The following INPP4B variants were observed in gnomAD, a reference collection of about 807,000 sequenced individuals.
The protein encoded by INPP4B is inositol polyphosphate-4-phosphatase type II B.
INPP4B carries 55 observed loss-of-function variants against 122.5 expected under a neutral mutation model. The observed-to-expected ratio is 0.45, with a 90% CI of 0.36 to 0.56. The LOEUF is 0.56. INPP4B is among the 20% of genes least tolerant of loss of function. The pLI is 0.00. For synonymous variants in INPP4B, 403 were observed against 388.7 expected, an observed-to-expected ratio of 1.04 and a Z score of -0.43; for missense variants, 1,000 against 1,097.7, an observed-to-expected ratio of 0.91 and a Z score of 1.26.
intron 2 of INPP4B, among the ~76,000 whole-genome samples, chr4:142,556,268 A>C (rs1376807895): frequency 2.0e-5 from 3 of 152,174 alleles, no homozygotes; most frequent in African/African-American, 7.2e-5. Context: ...CTTTGGTGCA[A>C]GTACACTGTG....
chr4:142,838,160 G>C (rs375919776), intron 1 of INPP4B, among the ~76,000 whole-genome samples: 1 of 151,530 alleles, frequency 6.6e-6, no homozygotes, highest in Non-Finnish European at 1.5e-5. Context: ...ACAAAAAGCA[G>C]GCATTCATTT....
At chr4:142,541,240 A>T (rs1180198268) in intron 2 of INPP4B, among the ~76,000 whole-genome samples, 1 of 152,230 alleles carries the variant, frequency 6.6e-6, no homozygotes, top group African/African-American at 2.4e-5. Flanking sequence ...TGCCACAATT[A>T]TTACTCTTTT....
chr4:142,439,062 A>G (rs10011895), intron 3 of INPP4B, among the ~76,000 whole-genome samples: 146,513 of 152,250 alleles, frequency 0.96, 70,760 homozygotes, highest in East Asian at 1. Flanking sequence ...TGAGAAATAC[A>G]GGTGTCTGAG....
chr4:142,327,604 T>C (rs1396197446), intron 7 of INPP4B, among the ~76,000 whole-genome samples: 1 of 152,174 alleles, frequency 6.6e-6, no homozygotes, highest in Non-Finnish European at 1.5e-5. Context: ...AAGCATCTAA[T>C]AGTTTAATCA....
chr4:142,024,700 C>G lies in INPP4B; in HGVS notation c.*4082G>C, dbSNP rs1736501003. ...TCAATTGAGCTATATTTATTAGAATCTGGGCACAGTAATATGTTACTGTTT... is the reference window on the plus strand; with the variant it reads ...TCAATTGAGCTATATTTATTAGAATGTGGGCACAGTAATATGTTACTGTTT... On this transcript the variant is annotated 3_prime_UTR_variant, in exon 26 of 26. Coordinates refer to ENST00000262992, the MANE Select transcript of INPP4B (RefSeq NM_001101669.3). 6.6e-6 allele frequency: 1 copy of G among 152,062 alleles called. No individual in the cohort carries two copies. The highest frequency in any genetic ancestry group is 1.5e-5 in the Non-Finnish European group (1 of 67,994). The allele number at this position is 152,062 out of a possible 1,614,324, so 9.4% of individuals were successfully genotyped here.
Position 142,583,124 on chromosome 4 carries a change from T to C in INPP4B, c.-190-120398A>G, listed in dbSNP as rs529143761. On this transcript the variant is annotated intron_variant, in intron 2 of 25. Transcript: ENST00000262992. ...GATATAAGAATAACATTGGATCTCT[T>C]ACACCCAGGGATCAAATAAAATACA... Among the ~76,000 whole-genome samples the C allele has an allele frequency of 3.9e-5, 6 of 152,206 alleles. No homozygotes were observed. The East Asian group carries it at 1.2e-3, about 30-fold the overall frequency.
At chr4:142,503,543 T>G (rs1008810426) in intron 2 of INPP4B, among the ~76,000 whole-genome samples, 4 of 152,248 alleles carry the variant, frequency 2.6e-5, no homozygotes, top group African/African-American at 9.6e-5. Context: ...AAGAAGGTCT[T>G]TAGTTGGGAA....
chr4:142,179,558 C>A (rs1402130764), intron 15 of INPP4B, among the ~76,000 whole-genome samples: 1 of 2,978 alleles, frequency 3.4e-4, no homozygotes, highest in Non-Finnish European at 8.4e-4. Context: ...TTTATTAGCT[C>A]TGTGAAAAAA....
intron 2 of INPP4B, among the ~76,000 whole-genome samples, chr4:142,597,090 T>A (rs572060183): frequency 2.0e-5 from 3 of 152,178 alleles, no homozygotes; most frequent in African/African-American, 7.2e-5. Flanking sequence ...CACAGAGATA[T>A]AAGTGACATT....
At chr4:142,333,097 C>A (rs1447652186) in intron 7 of INPP4B, among the ~76,000 whole-genome samples, 1 of 150,118 alleles carries the variant, frequency 6.7e-6, no homozygotes, top group African/African-American at 2.5e-5. Flanking sequence ...AGACAGATTA[C>A]ATGGAAGAGC....
At chr4:142,665,493 C>CAAAAA (rs11417876) in intron 2 of INPP4B, among the ~76,000 whole-genome samples, 5 of 106,956 alleles carry the variant, frequency 4.7e-5, no homozygotes, top group Non-Finnish European at 7.3e-5. Flanking sequence ...GACTCTGTCT[C>CAAAAA]AAAAAAAAAA....
At chr4:142,487,207 A>T (rs1227311653) in intron 2 of INPP4B, among the ~76,000 whole-genome samples, 1 of 152,076 alleles carries the variant, frequency 6.6e-6, no homozygotes, top group African/African-American at 2.4e-5. Flanking sequence ...TTGCTTTCTA[A>T]CATGATTGTG....
intron 2 of INPP4B, among the ~76,000 whole-genome samples, chr4:142,671,798 T>C (rs1351306311): frequency 6.6e-6 from 1 of 152,178 alleles, no homozygotes; most frequent in East Asian, 1.9e-4. Context: ...CTGTAAAATT[T>C]ACCCTTTTAC....
intron 11 of INPP4B, among the ~76,000 whole-genome samples, chr4:142,252,461 T>G (rs374087951): frequency 4.6e-5 from 7 of 152,180 alleles, no homozygotes; most frequent in East Asian, 3.9e-4. Context: ...GTGCTGGGAT[T>G]ACAGGCGTGA....
intron 2 of INPP4B, among the ~76,000 whole-genome samples, chr4:142,706,998 T>A (rs1243529982): frequency 6.6e-6 from 1 of 152,236 alleles, no homozygotes; most frequent in South Asian, 2.1e-4. Flanking sequence ...TATCAATTCA[T>A]AATCTTAACT....
chr4:142,377,529 G>A (rs953099626), intron 7 of INPP4B, among the ~76,000 whole-genome samples: 7 of 152,016 alleles, frequency 4.6e-5, no homozygotes, highest in Non-Finnish European at 1.0e-4. Flanking sequence ...GAATCTGGAA[G>A]AAGAGGGGTT....
At chr4:142,178,977 G>A (rs1456369786) in intron 15 of INPP4B, among the ~76,000 whole-genome samples, 2 of 151,980 alleles carry the variant, frequency 1.3e-5, no homozygotes, top group Non-Finnish European at 2.9e-5. Flanking sequence ...GGTCTCACAG[G>A]GTTTAATAAC....
intron 18 of INPP4B, among the ~76,000 whole-genome samples, chr4:142,128,775 G>C (rs962458358): frequency 6.6e-6 from 1 of 151,582 alleles, no homozygotes; most frequent in Non-Finnish European, 1.5e-5. Flanking sequence ...CGGCTGCTGG[G>C]TGCCCCCCTC....
intron 2 of INPP4B, among the ~76,000 whole-genome samples, chr4:142,694,868 T>C (rs528828391): frequency 1.3e-5 from 2 of 152,090 alleles, no homozygotes; most frequent in African/African-American, 4.8e-5. Context: ...AGATATCAAC[T>C]AAAAAGTCCC....
Sources: gnomAD v4.1 joint callset for allele counts (sites outside exome capture counted in the v4.1 genomes callset) on GRCh38, gnomAD v4.1.1 for gene constraint, MANE v1.5 for transcripts, NCBI Gene and HGNC (gene_info 2026-07-23, HGNC 2026-07-21) for gene names.